The following MIPOL1 variants were observed in gnomAD, a reference collection of about 807,000 sequenced individuals.
The protein encoded by MIPOL1 is mirror-image polydactyly 1, also known as mirror-image polydactyly gene 1 protein.
In MIPOL1, 57 loss-of-function variants were observed where a neutral mutation model predicts 60.9. The ratio of observed to expected loss-of-function variants is 0.94; its 90% CI spans 0.76 to 1.17. The LOEUF is 1.17. MIPOL1 is among the 50% of genes most tolerant of loss of function. MIPOL1 has a pLI of 0.00. For synonymous variants in MIPOL1, 179 were observed against 168.8 expected (o/e 1.06, Z -0.47); for missense variants, 551 against 511.6 (o/e 1.08, Z -0.74).
intron 9 of MIPOL1, among the ~76,000 whole-genome samples, chr14:37,325,706 A>G (rs538988881): frequency 3.3e-5 from 5 of 152,174 alleles, no homozygotes; most frequent in Non-Finnish European, 7.4e-5. Context: ...TATTTTCACT[A>G]GATAGGAATA....
chr14:37,392,406 T>G (rs2093270271), intron 10 of MIPOL1, among the ~76,000 whole-genome samples: 1 of 152,222 alleles, frequency 6.6e-6, no homozygotes. Context: ...ATGGACTGAC[T>G]TACTAGTTTT....
chr14:37,482,668 C>A (rs2094889028), intron 11 of MIPOL1, among the ~76,000 whole-genome samples: 1 of 152,174 alleles, frequency 6.6e-6, no homozygotes, highest in Admixed American at 6.5e-5. Context: ...GGGGAAACCA[C>A]CCCCATGAAC....
intron 7 of MIPOL1, among the ~76,000 whole-genome samples, chr14:37,291,631 G>A (rs927388447): frequency 2.0e-5 from 3 of 151,836 alleles, no homozygotes; most frequent in Non-Finnish European, 4.4e-5. Flanking sequence ...TCATGCTGCC[G>A]CAATAATAGA....
At chr14:37,233,203 T>A (rs1051041031) in intron 1 of MIPOL1, among the ~76,000 whole-genome samples, 1 of 152,160 alleles carries the variant, frequency 6.6e-6, no homozygotes, top group Non-Finnish European at 1.5e-5. Context: ...CATTCTTTGA[T>A]TGTTGGGGCC....
intron 11 of MIPOL1, among the ~76,000 whole-genome samples, chr14:37,487,781 C>A (rs1260290438): frequency 6.6e-6 from 1 of 152,124 alleles, no homozygotes. Flanking sequence ...TTTCAAAAAA[C>A]CAGCTCCTGG....
At chr14:37,451,420 A>G (rs1223957128) in intron 11 of MIPOL1, among the ~76,000 whole-genome samples, 1 of 152,214 alleles carries the variant, frequency 6.6e-6, no homozygotes, top group Non-Finnish European at 1.5e-5. Flanking sequence ...TCTAAATGAA[A>G]GTCTCAAATA....
At position 37,267,402 on chromosome 14, in the gene MIPOL1, C is replaced by A. The variant is rs1053934327; in HGVS notation, c.251+233C>A. On this transcript the variant is annotated intron_variant, in intron 4 of 12. Transcript: ENST00000684589. ...ACTCAGGAGGCTGAGTCATGAGAAT[C>A]GCTTGAACCTGGGAGGCGGAGGTTG... 2.0e-5 allele frequency among the ~76,000 whole-genome samples: 3 copies of A among 152,018 alleles called. No homozygotes were observed. The South Asian group carries it at 6.2e-4, about 32-fold the overall frequency.
At chr14:37,476,895 CTTTTTTTTTT>C (rs869027204) in intron 11 of MIPOL1, among the ~76,000 whole-genome samples, 66 of 87,344 alleles carry the variant, frequency 7.6e-4, no homozygotes, top group Middle Eastern at 0.011. Context: ...CTTGTAATGT[CTTTTTTTTTT>C]TTTTTTTTTT....
intron 9 of MIPOL1, among the ~76,000 whole-genome samples, chr14:37,337,602 T>C (rs557504968): frequency 6.6e-6 from 1 of 151,654 alleles, no homozygotes; most frequent in Admixed American, 6.6e-5. Context: ...ATTCCTGACC[T>C]CGTGATCTGC....
chr14:37,451,808 C>CTTTTTTTTT (rs535978128), intron 11 of MIPOL1, among the ~76,000 whole-genome samples: 26 of 84,566 alleles, frequency 3.1e-4, no homozygotes, highest in African/African-American at 1.5e-3. Context: ...TTTATTCTCT[C>CTTTTTTTTT]TTTTTTTTTT....
intron 9 of MIPOL1, among the ~76,000 whole-genome samples, chr14:37,354,197 T>G (rs2091627586): frequency 6.6e-6 from 1 of 152,016 alleles, no homozygotes; most frequent in Admixed American, 6.6e-5. Context: ...GTTGTTCAGT[T>G]TCCATGTAGT....
intron 6 of MIPOL1, among the ~76,000 whole-genome samples, chr14:37,280,803 C>A (rs545616735): frequency 1.3e-5 from 2 of 152,060 alleles, no homozygotes; most frequent in Admixed American, 1.3e-4. Flanking sequence ...GGATTACAGA[C>A]GCATGCCACC....
chr14:37,367,860 C>T (rs964499119), intron 9 of MIPOL1, among the ~76,000 whole-genome samples: 12 of 151,890 alleles, frequency 7.9e-5, no homozygotes, highest in South Asian at 4.1e-4. Flanking sequence ...TTCATTTTCT[C>T]GGGTCATAAT....
intron 9 of MIPOL1, among the ~76,000 whole-genome samples, chr14:37,315,413 T>C (rs1401460510): frequency 1.3e-5 from 2 of 152,220 alleles, no homozygotes; most frequent in Non-Finnish European, 2.9e-5. Flanking sequence ...CAGGAGCAGA[T>C]ATTGCATCTA....
chr14:37,320,230 T>C (rs1007425574), intron 9 of MIPOL1, among the ~76,000 whole-genome samples: 14 of 152,192 alleles, frequency 9.2e-5, no homozygotes, highest in African/African-American at 3.4e-4. Flanking sequence ...TATTAGGTAA[T>C]GCCAAATGTT....
intron 6 of MIPOL1, among the ~76,000 whole-genome samples, chr14:37,281,491 G>A (rs2084103028): frequency 6.6e-6 from 1 of 152,016 alleles, no homozygotes; most frequent in Admixed American, 6.6e-5. Context: ...TGCAACCTCC[G>A]CCTCCCAGGT....
At chr14:37,229,639 CTA>C (rs1970308889) in intron 1 of MIPOL1, among the ~76,000 whole-genome samples, 3 of 152,072 alleles carry the variant, frequency 2.0e-5, no homozygotes, top group Admixed American at 6.6e-5. Context: ...AGAAATAAAA[CTA>C]TTAGGAGGAA....
chr14:37,346,511 T>C (rs987725101), intron 9 of MIPOL1, among the ~76,000 whole-genome samples: 5 of 152,146 alleles, frequency 3.3e-5, no homozygotes, highest in African/African-American at 9.7e-5. Context: ...CTTATCTCTT[T>C]ATTTACAATT....
At chr14:37,355,563 T>C (rs2091751133) in intron 9 of MIPOL1, among the ~76,000 whole-genome samples, 1 of 147,082 alleles carries the variant, frequency 6.8e-6, no homozygotes, top group Non-Finnish European at 1.5e-5. Context: ...GTAGATTTGG[T>C]CTTTTCACAT....
Sources: allele counts gnomAD v4.1 joint callset (sites outside exome capture counted in the v4.1 genomes callset), GRCh38; gene constraint gnomAD v4.1.1; transcripts MANE v1.5; gene names NCBI Gene and HGNC (gene_info 2026-07-23, HGNC 2026-07-21).